The following CHST9 variants were observed in gnomAD, a reference collection of about 807,000 sequenced individuals.
The protein encoded by CHST9 is GalNAc-4-sulfotransferase 2.
A neutral mutation model predicts 44.4 loss-of-function variants in CHST9; 41 were observed. That is an observed-to-expected ratio of 0.92 (90% CI 0.72 to 1.20). CHST9 has a LOEUF of 1.20. Among genes scored for constraint, CHST9 ranks in the 50% most tolerant of loss-of-function variants. The pLI is 0.00. For synonymous variants in CHST9, 171 were observed against 178.4 expected (o/e 0.96, Z 0.33); for missense variants, 504 against 516.5 (o/e 0.98, Z 0.23).
intron 2 of CHST9, among the ~76,000 whole-genome samples, chr18:27,074,519 C>T (rs1319428016): frequency 1.3e-5 from 2 of 152,188 alleles, no homozygotes; most frequent in Non-Finnish European, 2.9e-5. Flanking sequence ...TATCCTTCCC[C>T]CGTCTGTCAA....
intron 4 of CHST9, among the ~76,000 whole-genome samples, chr18:27,010,475 A>G (rs1418344723): frequency 6.6e-6 from 1 of 152,182 alleles, no homozygotes; most frequent in African/African-American, 2.4e-5. Flanking sequence ...TTCCACCAGG[A>G]CAGAGACAGG....
chr18:26,924,515 C>A (rs1297100937), intron 5 of CHST9: 1 of 557,754 alleles, frequency 1.8e-6, no homozygotes, highest in African/African-American at 2.0e-5. Flanking sequence ...AAGGCACTGC[C>A]CAGGGAGTAA....
chr18:27,157,461 C>T (rs1236953180), intron 1 of CHST9, among the ~76,000 whole-genome samples: 3 of 152,152 alleles, frequency 2.0e-5, no homozygotes, highest in African/African-American at 4.8e-5. Context: ...CCTGTCTTAT[C>T]TCTCGTTTCA....
intron 5 of CHST9, among the ~76,000 whole-genome samples, chr18:26,939,370 A>G (rs1044916177): frequency 7.9e-5 from 12 of 152,236 alleles, no homozygotes; most frequent in Non-Finnish European, 1.6e-4. Flanking sequence ...AGAATGGGAA[A>G]TAAGTCTAGG....
intron 2 of CHST9, among the ~76,000 whole-genome samples, chr18:27,063,906 G>A (rs1043184193): frequency 2.6e-4 from 39 of 152,226 alleles, no homozygotes; most frequent in African/African-American, 9.4e-4. Context: ...CACGAGGGCT[G>A]TAAATTTTGT....
chr18:27,053,130 G>GGAAGAAGAAGAAGAAGAAGAAGAAGAA (rs200427246), intron 2 of CHST9, among the ~76,000 whole-genome samples: 10 of 71,196 alleles, frequency 1.4e-4, no homozygotes, highest in East Asian at 4.6e-4. Context: ...AGGAAGAAGA[G>GGAAGAAGAAGAAGAAGAAGAAGAAGAA]GAAGAAGAAG....
Position 27,179,098 on chromosome 18 carries a change from C to A in CHST9, c.-97+6038G>T, listed in dbSNP as rs557721931. Among the ~76,000 whole-genome samples, 813 of 125,030 alleles carry A rather than the reference C, an allele frequency of 6.5e-3. 6 individuals are homozygous for A. The highest frequency in any genetic ancestry group is 0.024 in the African/African-American group (741 of 30,974). 82.0% of individuals were successfully genotyped at this position (125,030 alleles called of 152,430 possible). ...ATAATGTCTCTCTCTCTCTCTCTCT[C>A]TCTCTCTATATATATATATATGAAA... On this transcript the variant is annotated intron_variant, in intron 1 of 5. Transcript: ENST00000618847.
chr18:27,134,626 C>A (rs1013626890), intron 2 of CHST9, among the ~76,000 whole-genome samples: 3 of 152,092 alleles, frequency 2.0e-5, no homozygotes, highest in Admixed American at 2.0e-4. Context: ...AGTTCAGGAC[C>A]AGGGTCCTAC....
In CHST9 at chr18:26,912,708, A is replaced by G. The variant is rs1378440426; in HGVS notation, c.*3551T>C. 6.6e-6 allele frequency: 1 copy of G among 152,212 alleles called. No individual in the cohort carries two copies. Among genetic ancestry groups the G allele is most frequent in the Non-Finnish European group, 1.5e-5 (1 of 68,040 alleles). 9.4% of individuals were successfully genotyped at this position (152,212 alleles called of 1,614,324 possible). A position where few individuals can be genotyped will look rare whatever the true frequency, so the allele number is the denominator to read the frequency against. ...ATGTTAGACTGGCTATGGAGATTAA[A>G]TTAATGCATGTAAACTACTTGAAGA... On this transcript the variant is annotated 3_prime_UTR_variant, in exon 6 of 6. Coordinates refer to ENST00000618847, the MANE Select transcript of CHST9 (RefSeq NM_031422.6).
intron 2 of CHST9, among the ~76,000 whole-genome samples, chr18:27,069,364 C>T (rs1417246242): frequency 6.6e-6 from 1 of 152,024 alleles, no homozygotes; most frequent in Non-Finnish European, 1.5e-5. Flanking sequence ...CTCTTATCTC[C>T]GTTTCTGTGG....
At chr18:26,958,324 A>C (rs2056354180) in intron 4 of CHST9, among the ~76,000 whole-genome samples, 1 of 152,040 alleles carries the variant, frequency 6.6e-6, no homozygotes, top group African/African-American at 2.4e-5. Flanking sequence ...ACGTTCTTTG[A>C]CTCTTAAAAG....
intron 1 of CHST9, among the ~76,000 whole-genome samples, chr18:27,169,026 T>C (rs1469668076): frequency 6.6e-6 from 1 of 152,152 alleles, no homozygotes; most frequent in Non-Finnish European, 1.5e-5. Context: ...TCATCAGTCC[T>C]ATAGCTGCAA....
chr18:27,123,295 TTA>T (rs1280586835), intron 2 of CHST9, among the ~76,000 whole-genome samples: 9 of 152,080 alleles, frequency 5.9e-5, no homozygotes, highest in African/African-American at 2.2e-4. Flanking sequence ...ACTCTGACAG[TTA>T]TGTTTTGGCT....
chr18:26,969,434 C>T (rs2056512734), intron 4 of CHST9, among the ~76,000 whole-genome samples: 2 of 151,382 alleles, frequency 1.3e-5, no homozygotes, highest in African/African-American at 4.9e-5. Context: ...GGATAGAAGT[C>T]TCTATACAGG....
intron 2 of CHST9, among the ~76,000 whole-genome samples, chr18:27,099,137 T>C (rs1396522352): frequency 6.6e-6 from 1 of 152,104 alleles, no homozygotes; most frequent in East Asian, 1.9e-4. Flanking sequence ...GTGAGCCATA[T>C]ATAGAAGAAT....
In CHST9 at chr18:26,915,299, C is replaced by A. The variant is rs2055499900; in HGVS notation, c.*960G>T. The A allele has an allele frequency of 7.9e-6, 2 of 252,028 alleles. No homozygotes were observed. Among genetic ancestry groups the A allele is most frequent in the Non-Finnish European group, 7.4e-6 (1 of 134,652 alleles). The allele number at this position is 252,028 out of a possible 1,614,324, so 15.6% of individuals were successfully genotyped here. On this transcript the variant is annotated 3_prime_UTR_variant, in exon 6 of 6. Transcript: ENST00000618847. ...TGAATAATTAAACTGAAAACAAAAG[C>A]TATTCTTAGGGTGTATTCCACATAT...
At chr18:27,003,938 C>T (rs1331352598) in intron 4 of CHST9, among the ~76,000 whole-genome samples, 1 of 151,918 alleles carries the variant, frequency 6.6e-6, no homozygotes, top group African/African-American at 2.4e-5. Context: ...CTATTCTCCT[C>T]TAGCCTCAGA....
intron 4 of CHST9, among the ~76,000 whole-genome samples, chr18:26,981,105 A>AT (rs559567307): frequency 1.3e-5 from 2 of 152,108 alleles, no homozygotes; most frequent in Admixed American, 6.6e-5. Context: ...GGATTATTGC[A>AT]TTTTTTCTAG....
At chr18:27,055,193 A>C (rs994449284) in intron 2 of CHST9, among the ~76,000 whole-genome samples, 1 of 152,200 alleles carries the variant, frequency 6.6e-6, no homozygotes, top group East Asian at 1.9e-4. Flanking sequence ...GAAGGCATAG[A>C]ATCATGACAA....
Sources: gnomAD v4.1 joint callset for allele counts (sites outside exome capture counted in the v4.1 genomes callset) on GRCh38, gnomAD v4.1.1 for gene constraint, MANE v1.5 for transcripts, NCBI Gene and HGNC (gene_info 2026-07-23, HGNC 2026-07-21) for gene names.